Variants in GNG5 observed in about 807,000 individuals in gnomAD.
GNG5 encodes the protein G protein subunit gamma 5, also known as guanine nucleotide-binding protein G(I)/G(S)/G(O) subunit gamma-5.
GNG5 carries 2 observed loss-of-function variants against 6.2 expected under a neutral mutation model. That is an observed-to-expected ratio of 0.32 (90% CI 0.13 to 1.01). The LOEUF (loss-of-function observed/expected upper bound fraction) is 1.01. Among genes scored for constraint, GNG5 ranks in the 50% least tolerant of loss-of-function variants. GNG5 has a pLI of 0.48. For synonymous variants in GNG5, 24 were observed against 33.0 expected (o/e 0.73, Z 0.93); for missense variants, 57 against 80.2 (o/e 0.71, Z 1.10).
chr1:84,504,963 AAGCTTAGAG>A (rs1457792688), intron 2 of GNG5, among the ~76,000 whole-genome samples: 1 of 152,240 alleles, frequency 6.6e-6, no homozygotes, highest in African/African-American at 2.4e-5. Flanking sequence ...CTAGTTAAGA[AAGCTTAGAG>A]ACCCTCTCAG....
chr1:84,500,081 T>C (rs138091296), intron 3 of GNG5, among the ~76,000 whole-genome samples: 26 of 152,312 alleles, frequency 1.7e-4, no homozygotes, highest in African/African-American at 6.0e-4. Context: ...ACTGTATTTA[T>C]ATACATAACT....
intron 2 of GNG5, among the ~76,000 whole-genome samples, chr1:84,505,057 C>T (rs1353462497): frequency 6.6e-6 from 1 of 152,206 alleles, no homozygotes; most frequent in African/African-American, 2.4e-5. Flanking sequence ...GAACTGGCTG[C>T]TTTTAACAGG....
intron 2 of GNG5, among the ~76,000 whole-genome samples, chr1:84,505,010 A>G (rs1049071584): frequency 2.6e-5 from 4 of 152,266 alleles, no homozygotes; most frequent in African/African-American, 9.6e-5. Flanking sequence ...CAAGTAATAA[A>G]GACTAGCCTG....
intron 3 of GNG5, among the ~76,000 whole-genome samples, chr1:84,501,460 CTG>C (rs149653206): frequency 0.017 from 2,629 of 152,124 alleles, 67 homozygotes; most frequent in African/African-American, 0.058. Context: ...TTTTTAAAAA[CTG>C]TCTAAATATT....
At chr1:84,501,998 G>A in intron 2 of GNG5, 28 bp from the exon 3 acceptor site, 1 of 1,584,940 alleles carries the variant, frequency 6.3e-7, no homozygotes. Context: ...GGGGGGAAGT[G>A]CCAGATGGTG....
At chr1:84,503,122 C>T (rs924191449) in intron 2 of GNG5, among the ~76,000 whole-genome samples, 2 of 152,224 alleles carry the variant, frequency 1.3e-5, no homozygotes, top group African/African-American at 4.8e-5. Context: ...AGTTTAATAA[C>T]ATTAACGGAC....
chr1:84,506,364 C>G (rs1012126327), intron 1 of GNG5, 63 bp from the exon 2 acceptor site: 14 of 332,020 alleles, frequency 4.2e-5, no homozygotes, highest in African/African-American at 2.6e-4. Context: ...TGGAGGCTAG[C>G]GCGACCCGAC....
chr1:84,498,660 TC>T (rs1194990185), intron 3 of GNG5, 112 bp from the exon 4 acceptor site: 1 of 152,430 alleles, frequency 6.6e-6, no homozygotes, highest in African/African-American at 2.4e-5. Context: ...ATGCCTATGG[TC>T]CAGTAACAGT....
intron 2 of GNG5, among the ~76,000 whole-genome samples, chr1:84,505,523 G>A (rs1682168428): frequency 6.6e-6 from 1 of 152,260 alleles, no homozygotes; most frequent in South Asian, 2.1e-4. Flanking sequence ...GACAAGAGAA[G>A]TTGAAGGTAA....
chr1:84,499,166 AAC>A (rs1335274976), intron 3 of GNG5, among the ~76,000 whole-genome samples: 2 of 152,232 alleles, frequency 1.3e-5, no homozygotes, highest in Non-Finnish European at 2.9e-5. Flanking sequence ...TAAATTGAAA[AAC>A]AGTGTACTAA....
intron 2 of GNG5, among the ~76,000 whole-genome samples, chr1:84,502,706 C>G (rs1214288038): frequency 1.3e-5 from 2 of 152,146 alleles, no homozygotes; most frequent in East Asian, 3.9e-4. Context: ...AGCAGTATTA[C>G]TGGAAAAATG....
intron 2 of GNG5, among the ~76,000 whole-genome samples, chr1:84,503,396 G>T (rs146564201): frequency 1.3e-5 from 2 of 152,126 alleles, no homozygotes; most frequent in South Asian, 4.1e-4. Flanking sequence ...TTCATCCTAA[G>T]ATGAATCTAA....
chr1:84,501,988 G>T lies in GNG5; in HGVS notation c.82-18C>A, dbSNP rs368688263. ...TGGGAAACCTATACATAACAAAGAG[G>T]GGGGGAAGTGCCAGATGGTGAGAAC... On this transcript the variant is annotated intron_variant, in intron 2 of 3. Transcript: ENST00000370645. 1.5e-5 allele frequency: 24 copies of T among 1,600,424 alleles called. No homozygotes were observed. Among genetic ancestry groups the T allele is most frequent in the South Asian group, 5.5e-5 (5 of 90,124 alleles).
At chr1:84,505,927 C>G (rs778337199) in intron 2 of GNG5, 84 bp downstream of exon 2, 3 of 971,056 alleles carry the variant, frequency 3.1e-6, no homozygotes, top group African/African-American at 3.5e-5. Flanking sequence ...CGGCGCGTGT[C>G]CCGCCCGCCC....
Position 84,506,055 on chromosome 1 carries a change from C to T in GNG5, c.37G>A (p.Val13Met). The T allele has an allele frequency of 6.3e-7, 1 of 1,578,220 alleles. No homozygotes were observed. The highest frequency in any genetic ancestry group is 8.6e-7 in the Non-Finnish European group (1 of 1,164,256). ...GCCTCCAGCCGGAGCTGTTGAACCA[C>T]TTTCTTCATAGCGGCGACGCTGGAG... ...GSSSVAAMKKVVQQLRLEAGL... is the reference protein window; with the variant it reads ...GSSSVAAMKKMVQQLRLEAGL... The change falls in exon 2 of 4, where the codon GTG becomes ATG. Residue 13 changes from valine (V) to methionine (M), a missense_variant. Val to Met is a conservative substitution (Grantham distance 21). Coordinates refer to ENST00000370645, the MANE Select transcript of GNG5 (RefSeq NM_005274.3).
chr1:84,504,839 T>C (rs969920881), intron 2 of GNG5, among the ~76,000 whole-genome samples: 5 of 152,086 alleles, frequency 3.3e-5, no homozygotes, highest in Non-Finnish European at 7.4e-5. Context: ...ACATTTCTAG[T>C]TAACAAAACT....
intron 2 of GNG5, among the ~76,000 whole-genome samples, chr1:84,502,743 TAA>T (rs1416910971): frequency 6.6e-6 from 1 of 152,210 alleles, no homozygotes; most frequent in Non-Finnish European, 1.5e-5. Context: ...TAATGTGGGA[TAA>T]CTAGCACATA....
intron 2 of GNG5, among the ~76,000 whole-genome samples, chr1:84,505,499 G>T (rs1484451173): frequency 6.6e-6 from 1 of 151,480 alleles, no homozygotes; most frequent in Non-Finnish European, 1.5e-5. Context: ...TCGCTTAAAA[G>T]TATGTGTTCA....
intron 2 of GNG5, among the ~76,000 whole-genome samples, chr1:84,505,193 C>T (rs1486295290): frequency 6.6e-6 from 1 of 152,182 alleles, no homozygotes; most frequent in Non-Finnish European, 1.5e-5. Flanking sequence ...CTTAGAACAG[C>T]ACTTGAATGT....
Sources: gnomAD v4.1 joint callset for allele counts (sites outside exome capture counted in the v4.1 genomes callset) on GRCh38, gnomAD v4.1.1 for gene constraint, MANE v1.5 for transcripts, NCBI Gene and HGNC (gene_info 2026-07-23, HGNC 2026-07-21) for gene names.